The following RLBP1 variants were observed in gnomAD, a reference collection of about 807,000 sequenced individuals.
The protein encoded by RLBP1 is retinaldehyde binding protein 1.
In RLBP1, 26 loss-of-function variants were observed where a neutral mutation model predicts 36.2. That is an observed-to-expected ratio of 0.72 (90% CI 0.53 to 1.00). The LOEUF (loss-of-function observed/expected upper bound fraction) is 1.00. RLBP1 is among the 50% of genes least tolerant of loss of function. RLBP1 has a pLI of 0.00. For synonymous variants in RLBP1, 155 were observed against 156.2 expected (o/e 0.99, Z 0.06); for missense variants, 410 against 402.4 (o/e 1.02, Z -0.16).
At chr15:89,213,276 T>TA (rs113002812) in intron 6 of RLBP1, among the ~76,000 whole-genome samples, 1,807 of 141,130 alleles carry the variant, frequency 0.013, 23 homozygotes, top group African/African-American at 0.034. Flanking sequence ...ATCAATTTGT[T>TA]AAAAAAAAAA....
In RLBP1 at chr15:89,210,312, C is replaced by G; in HGVS notation, c.927G>C (p.Gln309His). The change falls in exon 9 of 9, where the codon CAG (glutamine) becomes CAC (histidine). Residue 309 changes from glutamine (Q) to histidine (H), a missense_variant. Physicochemically the swap from Gln to His is conservative, Grantham distance 24. Transcript: ENST00000268125. This position sits in a 1 kb window ranked among gnomAD's most constrained non-coding sequence, Gnocchi z 4.7. ...KAVAEQLFGP[Q>H]AQAENTAF Reference sequence around the variant, plus strand: ...AGAAGGCTGTGTTCTCAGCTTGGGCCTGGGGGCCAAAGAGCTGCTCAGCAA... The same window carrying G: ...AGAAGGCTGTGTTCTCAGCTTGGGCGTGGGGGCCAAAGAGCTGCTCAGCAA... The G allele has an allele frequency of 6.2e-7, 1 of 1,614,246 alleles. No homozygotes were observed. Among genetic ancestry groups the G allele is most frequent in the East Asian group, 2.2e-5 (1 of 44,874 alleles).
intron 1 of RLBP1, among the ~76,000 whole-genome samples, chr15:89,221,192 G>A (rs3759924): frequency 0.35 from 52,451 of 151,740 alleles, 9,553 homozygotes; most frequent in South Asian, 0.4. Flanking sequence ...TATTTTTAGT[G>A]GAGATGGGGT....
chr15:89,220,348 C>T (rs2051616302), intron 1 of RLBP1, among the ~76,000 whole-genome samples: 1 of 152,180 alleles, frequency 6.6e-6, no homozygotes, highest in Non-Finnish European at 1.5e-5. Context: ...AGGATAATAA[C>T]AGTACCTACC....
Position 89,215,145 on chromosome 15 carries a change from A to G in RLBP1, c.440T>C (p.Val147Ala), listed in dbSNP as rs764359434. Residue 147 changes from valine to alanine, a missense_variant, in exon 6 of 9, where the codon GTC becomes GCC. Transcript: ENST00000268125. ...GCCATACTTGTCCCGACTAGAGAGG[A>G]CACCAGGGTAGCCAGCTTCAATGGT... ...RCTIEAGYPG[V>A]LSSRDKYGRV... The G allele has an allele frequency of 6.8e-6, 11 of 1,614,178 alleles. No homozygotes were observed. Among genetic ancestry groups the G allele is most frequent in the Non-Finnish European group, 9.3e-6 (11 of 1,180,008 alleles).
chr15:89,209,891 T>C lies in RLBP1; in HGVS notation c.*394A>G. Reference sequence around the variant, plus strand: ...ATATCCTCTCTCTTTTATCTTCTTTTATTGCATTTTGGGGGCGAATAGGGG... The same window carrying C: ...ATATCCTCTCTCTTTTATCTTCTTTCATTGCATTTTGGGGGCGAATAGGGG... On this transcript the variant is annotated 3_prime_UTR_variant, in exon 9 of 9. Transcript: ENST00000268125. The C allele has an allele frequency of 3.4e-6, 1 of 294,336 alleles. No homozygotes were observed. Among genetic ancestry groups the C allele is most frequent in the Admixed American group, 4.8e-5 (1 of 21,002 alleles). The allele number at this position is 294,336 out of a possible 1,614,324, so 18.2% of individuals were successfully genotyped here.
At chr15:89,212,832 G>A (rs574522085) in intron 6 of RLBP1, among the ~76,000 whole-genome samples, 1 of 151,792 alleles carries the variant, frequency 6.6e-6, no homozygotes, top group Non-Finnish European at 1.5e-5. Context: ...AGGTTCAAGC[G>A]ATTCCCCTGC....
Position 89,210,316 on chromosome 15 carries a change from G to A in RLBP1, c.923C>T (p.Pro308Leu), listed in dbSNP as rs1156746811. The A allele has an allele frequency of 1.2e-6, 2 of 1,614,182 alleles. No homozygotes were observed. The highest frequency in any genetic ancestry group is 8.5e-7 in the Non-Finnish European group (1 of 1,180,032). The change falls in exon 9 of 9, where the codon CCC becomes CTC. Residue 308 changes from proline to leucine, a missense_variant. Pro to Leu is a moderately conservative substitution (Grantham distance 98, BLOSUM62 -3). Coordinates refer to ENST00000268125, the MANE Select transcript of RLBP1 (RefSeq NM_000326.5). The surrounding 1 kb of genome is among the most constrained non-coding windows in gnomAD (Gnocchi z 4.7). ...GGCTGTGTTCTCAGCTTGGGCCTGG[G>A]GGCCAAAGAGCTGCTCAGCAACGGC... ...GKAVAEQLFG[P>L]QAQAENTAF is the part of the protein sequence containing the mutation.
At position 89,211,478 on chromosome 15, in the gene RLBP1, G is replaced by T. The variant is rs964808232; in HGVS notation, c.684+265C>A. On this transcript the variant is annotated intron_variant, in intron 7 of 8. Coordinates refer to ENST00000268125, the MANE Select transcript of RLBP1 (RefSeq NM_000326.5). This position sits in a 1 kb window ranked among gnomAD's most constrained non-coding sequence, Gnocchi z 5.8. ...ACCTCGAGATGTCTCTTAAATCTCT[G>T]AGCCTTCGTTTCCAGGTTTGAAAAA... Among the ~76,000 whole-genome samples the T allele has an allele frequency of 6.6e-6, 1 of 152,148 alleles. No individual in the cohort carries two copies. Among genetic ancestry groups the T allele is most frequent in the African/African-American group, 2.4e-5 (1 of 41,432 alleles).
Position 89,217,238 on chromosome 15 carries a change from C to T in RLBP1, c.228G>A (p.Ser76=), listed in dbSNP as rs202116993. 7.4e-5 allele frequency: 119 copies of T among 1,612,300 alleles called. No homozygotes were observed. The highest frequency in any genetic ancestry group is 1.3e-4 in the African/African-American group (10 of 74,946). ...LQEMVQAQAA[S]GEELAVAVAE... is the part of the protein sequence containing the mutation. ...CCACGGCCACCGCCAGCTCCTCCCC[C>T]GAGGCCGCCTGCGCCTGCACCATCT... Residue 76 remains serine (S), a synonymous_variant, in exon 5 of 9, where the codon TCG becomes TCA. Transcript: ENST00000268125.
At chr15:89,217,375 G>A in intron 4 of RLBP1, 51 bp from the exon 5 acceptor site, 1 of 1,563,160 alleles carries the variant, frequency 6.4e-7, no homozygotes, top group Non-Finnish European at 8.7e-7. Context: ...CGGGTGAGGG[G>A]CAGGACACAC....
intron 6 of RLBP1, among the ~76,000 whole-genome samples, chr15:89,213,104 C>A (rs1416804886): frequency 6.6e-6 from 1 of 152,096 alleles, no homozygotes; most frequent in Non-Finnish European, 1.5e-5. Context: ...TAAGTCTCTT[C>A]CTTAATACAC....
rs140131617 is a variant in RLBP1 at position 89,210,748 on chromosome 15, G to T, written c.746C>A (p.Thr249Lys). 3 of 1,603,734 alleles carry T rather than the reference G, an allele frequency of 1.9e-6. No individual in the cohort carries two copies. The South Asian group carries it at 3.4e-5, about 18-fold the overall frequency. The change falls in exon 8 of 9, where the codon ACG becomes AAG. Residue 249 changes from threonine to lysine, a missense_variant. Thr to Lys is a moderately conservative substitution (Grantham distance 78, BLOSUM62 -1). Transcript: ENST00000268125. This position sits in a 1 kb window ranked among gnomAD's most constrained non-coding sequence, Gnocchi z 4.7. ...GAAGGGCTTGACCACATTGTAGGTC[G>T]TGGTGAAGTACCATGGCTGGTGGAT... ...HFIHQPWYFT[T>K]TYNVVKPFLK...
At position 89,217,148 on chromosome 15, in the gene RLBP1, G is replaced by T; in HGVS notation, c.318C>A (p.Asn106Lys). The T allele has an allele frequency of 3.1e-6, 5 of 1,614,072 alleles. No individual in the cohort carries two copies. The highest frequency in any genetic ancestry group is 4.2e-6 in the Non-Finnish European group (5 of 1,180,012). ...FLRFIRARKF[N>K]VGRAYELLRG... ...TGAGCAGCTCATAGGCACGGCCCAC[G>T]TTGAACTTCCGTGCGCGGATGAAGC... The change falls in exon 5 of 9, where the codon AAC becomes AAA. Residue 106 changes from asparagine (N) to lysine (K), a missense_variant. Transcript: ENST00000268125.
rs2051532924 is a variant in RLBP1, at chr15:89,210,928, C to T, written c.685-119G>A. On this transcript the variant is annotated intron_variant, in intron 7 of 8. Coordinates refer to ENST00000268125, the MANE Select transcript of RLBP1 (RefSeq NM_000326.5). The surrounding 1 kb of genome is among the most constrained non-coding windows in gnomAD (Gnocchi z 4.7). ...AGACTTGTCCAGCATCACAGGGCTG[C>T]CCTGGAGAAGGGCCCACTGAAGGTC... is the stretch of plus-strand genomic sequence containing the variant. 2 of 705,398 alleles carry T rather than the reference C, an allele frequency of 2.8e-6. No individual in the cohort carries two copies. The highest frequency in any genetic ancestry group is 1.8e-5 in the African/African-American group (1 of 56,560). 43.7% of individuals were successfully genotyped at this position (705,398 alleles called of 1,614,324 possible).
At chr15:89,216,999 C>T in intron 5 of RLBP1, 121 bp downstream of exon 5, 1 of 996,016 alleles carries the variant, frequency 1.0e-6, no homozygotes, top group Non-Finnish European at 1.5e-6. Context: ...GATGTGGAGG[C>T]TCAGAGAAAC....
chr15:89,218,472 G>T lies in RLBP1; in HGVS notation c.141+93C>A. On this transcript the variant is annotated intron_variant, in intron 4 of 8. Coordinates refer to ENST00000268125, the MANE Select transcript of RLBP1 (RefSeq NM_000326.5). This position sits in a 1 kb window ranked among gnomAD's most constrained non-coding sequence, Gnocchi z 4.6. ...GGTCCAGGATGATCTGGAGTGCCGA[G>T]GCTGGACCCTTTTCACAGGAGAGAG... The T allele has an allele frequency of 6.3e-7, 1 of 1,577,894 alleles. No individual in the cohort carries two copies. Among genetic ancestry groups the T allele is most frequent in the Non-Finnish European group, 8.7e-7 (1 of 1,151,946 alleles).
chr15:89,213,116 C>T (rs945897153), intron 6 of RLBP1, among the ~76,000 whole-genome samples: 1 of 152,118 alleles, frequency 6.6e-6, no homozygotes, highest in East Asian at 1.9e-4. Context: ...TTAATACACA[C>T]AGATAGGCAG....
In RLBP1 at chr15:89,218,616, ATGG is replaced by A; in HGVS notation, c.87_89del (p.His30del). On this transcript the variant is annotated inframe_deletion, in exon 4 of 9. Coordinates refer to ENST00000268125, the MANE Select transcript of RLBP1 (RefSeq NM_000326.5). This position sits in a 1 kb window ranked among gnomAD's most constrained non-coding sequence, Gnocchi z 4.6. ...GGCTGCACGGGCCAAAGACAGGTCCATGGTCCTTGGTTGTGAGCTGCTCCAGTT... is the reference window on the plus strand; with the variant it reads ...GGCTGCACGGGCCAAAGACAGGTCCATCCTTGGTTGTGAGCTGCTCCAGTT... 1 of 1,614,168 alleles carries A rather than the reference ATGG, an allele frequency of 6.2e-7. No homozygotes were observed. The highest frequency in any genetic ancestry group is 8.5e-7 in the Non-Finnish European group (1 of 1,180,030).
intron 4 of RLBP1, among the ~76,000 whole-genome samples, chr15:89,217,574 A>G (rs2051592899): frequency 1.3e-5 from 2 of 152,128 alleles, no homozygotes; most frequent in South Asian, 4.1e-4. Context: ...GACTGCCTAC[A>G]CTCACTGAGC....
Sources: gnomAD v4.1 joint callset for allele counts (sites outside exome capture counted in the v4.1 genomes callset) on GRCh38, gnomAD v4.1.1 for gene constraint, Gnocchi (gnomAD v3.1) non-coding constraint, MANE v1.5 for transcripts, NCBI Gene and HGNC (gene_info 2026-07-23, HGNC 2026-07-21) for gene names.